SUSD6: variants seen among roughly 807,000 people sequenced by gnomAD.
SUSD6 encodes the protein sushi domain-containing protein 6.
Under a neutral mutation model 28.4 loss-of-function variants are expected in SUSD6, and 16 were observed. The ratio of observed to expected loss-of-function variants is 0.56; its 90% CI spans 0.38 to 0.86. The LOEUF (loss-of-function observed/expected upper bound fraction) is 0.86. Among genes scored for constraint, SUSD6 ranks in the 40% least tolerant of loss-of-function variants. SUSD6 has a pLI of 0.00. For missense variants in SUSD6, 341 were observed against 384.2 expected, an observed-to-expected ratio of 0.89 and a Z score of 0.94; for synonymous variants, 147 against 159.6, an observed-to-expected ratio of 0.92 and a Z score of 0.59.
In SUSD6 at chr14:69,708,750, G is replaced by A. The variant is rs887998029; in HGVS notation, c.532G>A (p.Glu178Lys). 3 of 1,613,778 alleles carry A rather than the reference G, an allele frequency of 1.9e-6. No individual in the cohort carries two copies. The highest frequency in any genetic ancestry group is 2.5e-6 in the Non-Finnish European group (3 of 1,179,836). The change falls in exon 5 of 6, where the codon GAG becomes AAG. Residue 178 changes from glutamate to lysine, a missense_variant. Coordinates refer to ENST00000342745, the MANE Select transcript of SUSD6 (RefSeq NM_014734.4). ...AGTCCAGGTTGCACTACCATCATACGAGGAGGCTGTATATGGCAGTTCTGG... is the reference window on the plus strand; with the variant it reads ...AGTCCAGGTTGCACTACCATCATACAAGGAGGCTGTATATGGCAGTTCTGG... ...DGVQVALPSY[E>K]EAVYGSSGHC...
intron 1 of SUSD6, among the ~76,000 whole-genome samples, chr14:69,625,668 C>T (rs970199057): frequency 5.9e-5 from 9 of 152,192 alleles, no homozygotes; most frequent in African/African-American, 2.2e-4. Context: ...CCTTTTTCCA[C>T]CTTCCAGGGC....
chr14:69,635,595 CCACACACA>C (rs3048696), intron 1 of SUSD6, among the ~76,000 whole-genome samples: 19,890 of 143,490 alleles, frequency 0.14, 1,385 homozygotes, highest in South Asian at 0.16. Context: ...CCAAGGCACA[CCACACACA>C]CACACACACA....
In SUSD6 at chr14:69,679,578, C is replaced by CTT. The variant is rs59195061; in HGVS notation, c.121+20878_121+20879dup. 4.2e-3 allele frequency among the ~76,000 whole-genome samples: 586 copies of CTT among 138,326 alleles called. 4 individuals are homozygous for CTT. The highest frequency in any genetic ancestry group is 0.015 in the African/African-American group (565 of 38,124). 90.7% of individuals were successfully genotyped at this position (138,326 alleles called of 152,430 possible). On this transcript the variant is annotated intron_variant, in intron 2 of 5. Coordinates refer to ENST00000342745, the MANE Select transcript of SUSD6 (RefSeq NM_014734.4). ...CTTAAAATATTATGAGTTTATTTTG[C>CTT]TTTTTTTTTTTTTTAAAGCTCATCA...
Position 69,626,301 on chromosome 14 carries a change from C to A in SUSD6, c.-81+14473C>A, listed in dbSNP as rs575270965. Among the ~76,000 whole-genome samples the A allele has an allele frequency of 2.6e-5, 4 of 152,334 alleles. No individual in the cohort carries two copies. The South Asian group carries it at 8.3e-4, about 32-fold the overall frequency. Reference sequence around the variant, plus strand: ...GTTCTCTGCTTATCAGACCTTCCCACATGTGCCCTGCTCTCTTCCTGCTGC... The same window carrying A: ...GTTCTCTGCTTATCAGACCTTCCCAAATGTGCCCTGCTCTCTTCCTGCTGC... On this transcript the variant is annotated intron_variant, in intron 1 of 5. Coordinates refer to ENST00000342745, the MANE Select transcript of SUSD6 (RefSeq NM_014734.4).
intron 2 of SUSD6, among the ~76,000 whole-genome samples, chr14:69,695,792 T>C (rs2139640584): frequency 6.6e-6 from 1 of 152,364 alleles, no homozygotes; most frequent in East Asian, 1.9e-4. Flanking sequence ...GAAACTTAAA[T>C]GAGTTACATA....
intron 1 of SUSD6, among the ~76,000 whole-genome samples, chr14:69,643,002 G>GACA: frequency 6.6e-6 from 1 of 152,244 alleles, no homozygotes; most frequent in East Asian, 1.9e-4. Context: ...TCAACTGAGT[G>GACA]ACATTGCTGA....
intron 1 of SUSD6, among the ~76,000 whole-genome samples, chr14:69,638,389 G>C (rs1019130805): frequency 2.0e-5 from 3 of 151,436 alleles, no homozygotes; most frequent in African/African-American, 7.3e-5. Context: ...CTCTTGGTGT[G>C]AGTTTGAAGG....
intron 2 of SUSD6, among the ~76,000 whole-genome samples, chr14:69,660,478 A>G (rs1885646373): frequency 1.3e-5 from 2 of 152,214 alleles, no homozygotes; most frequent in African/African-American, 4.8e-5. Context: ...TGAGGTTTCA[A>G]AGGAAGAGAA....
intron 1 of SUSD6, 46 bp from the exon 2 acceptor site, chr14:69,658,467 C>T (rs1885616108): frequency 9.9e-7 from 1 of 1,010,934 alleles, no homozygotes; most frequent in African/African-American, 1.6e-5. Flanking sequence ...TTTTAACTAA[C>T]TTATGGCTGA....
chr14:69,708,058 CA>C (rs1323233623), intron 4 of SUSD6, among the ~76,000 whole-genome samples: 1 of 152,154 alleles, frequency 6.6e-6, no homozygotes, highest in East Asian at 1.9e-4. Flanking sequence ...TATTTGTGTT[CA>C]AAGTTTTTAA....
chr14:69,638,661 T>C (rs1885301350), intron 1 of SUSD6, among the ~76,000 whole-genome samples: 1 of 152,220 alleles, frequency 6.6e-6, no homozygotes, highest in African/African-American at 2.4e-5. Flanking sequence ...GGATGAAGGC[T>C]GAAATTCTTC....
intron 4 of SUSD6, 112 bp from the exon 5 acceptor site, chr14:69,708,565 C>A: frequency 1.2e-6 from 1 of 861,430 alleles, no homozygotes. Flanking sequence ...AGTGCTTTGC[C>A]TGGCACATAG....
intron 2 of SUSD6, among the ~76,000 whole-genome samples, chr14:69,667,353 A>G (rs188761879): frequency 6.8e-6 from 1 of 148,144 alleles, no homozygotes; most frequent in Non-Finnish European, 1.5e-5. Flanking sequence ...ATAACTGTGC[A>G]TGGTTGCTCA....
intron 1 of SUSD6, among the ~76,000 whole-genome samples, chr14:69,651,315 G>A (rs1011365912): frequency 1.3e-5 from 2 of 152,186 alleles, no homozygotes; most frequent in East Asian, 3.8e-4. Context: ...TGGGGAAAGC[G>A]TGTTGCCCAG....
At chr14:69,684,579 C>G (rs2139632833) in intron 2 of SUSD6, among the ~76,000 whole-genome samples, 1 of 152,362 alleles carries the variant, frequency 6.6e-6, no homozygotes, top group East Asian at 1.9e-4. Flanking sequence ...ATGACAGTTT[C>G]AATTTCAGCT....
intron 2 of SUSD6, among the ~76,000 whole-genome samples, chr14:69,684,704 G>A (rs1400211459): frequency 6.6e-6 from 1 of 152,244 alleles, no homozygotes. Context: ...CTCTTTGGGG[G>A]TCAGCTCAGC....
In SUSD6 at chr14:69,709,040, T is replaced by A. The variant is rs758777227; in HGVS notation, c.822T>A (p.Thr274=). ...SGNRQLAHKE[T]ADSENSDIQS... is the part of the protein sequence containing the mutation. ...ACCGCCAACTGGCACACAAAGAAACTGCAGATTCAGAGAACAGTGACATAC... is the reference window on the plus strand; with the variant it reads ...ACCGCCAACTGGCACACAAAGAAACAGCAGATTCAGAGAACAGTGACATAC... The change falls in exon 5 of 6, where the codon ACT becomes ACA. Residue 274 remains threonine (T), a synonymous_variant. Coordinates refer to ENST00000342745, the MANE Select transcript of SUSD6 (RefSeq NM_014734.4). The A allele has an allele frequency of 1.9e-6, 3 of 1,613,836 alleles. No individual in the cohort carries two copies. The highest frequency in any genetic ancestry group is 2.2e-5 in the East Asian group (1 of 44,876).
intron 1 of SUSD6, among the ~76,000 whole-genome samples, chr14:69,613,550 A>G (rs753361243): frequency 2.0e-5 from 3 of 152,238 alleles, no homozygotes; most frequent in African/African-American, 4.8e-5. Flanking sequence ...GTGATACCGA[A>G]TGTATGCCAG....
chr14:69,701,871 C>T (rs1723713569), intron 2 of SUSD6, among the ~76,000 whole-genome samples: 1 of 152,144 alleles, frequency 6.6e-6, no homozygotes. Flanking sequence ...CTTTTCTCCC[C>T]ATCTCAAGTG....
Sources: gnomAD v4.1 joint callset for allele counts (sites outside exome capture counted in the v4.1 genomes callset) on GRCh38, gnomAD v4.1.1 for gene constraint, MANE v1.5 for transcripts, NCBI Gene and HGNC (gene_info 2026-07-23, HGNC 2026-07-21) for gene names.